BICD1: variants seen among roughly 807,000 people sequenced by gnomAD.
BICD1 encodes the protein protein bicaudal D homolog 1.
A neutral mutation model predicts 92.5 loss-of-function variants in BICD1; 35 were observed. That is an observed-to-expected ratio of 0.38 (90% confidence interval 0.29 to 0.50). BICD1 has a LOEUF of 0.50. BICD1 is among the 20% of genes least tolerant of loss of function. The probability of loss-of-function intolerance (pLI) is 0.93; values close to 1 mark genes in which losing one functional copy is unlikely to be tolerated. For missense variants in BICD1, 950 were observed against 1,189.8 expected, an observed-to-expected ratio of 0.80 and a Z score of 2.97; for synonymous variants, 429 against 465.1, an observed-to-expected ratio of 0.92 and a Z score of 1.00.
intron 1 of BICD1, among the ~76,000 whole-genome samples, chr12:32,192,488 C>CA (rs1270170436): frequency 1.4e-5 from 2 of 146,542 alleles, no homozygotes; most frequent in Non-Finnish European, 1.5e-5. Context: ...ACAAATAAAG[C>CA]AAAAAAACCT....
At chr12:32,110,356 G>T (rs1039035756) in intron 1 of BICD1, among the ~76,000 whole-genome samples, 17 of 152,190 alleles carry the variant, frequency 1.1e-4, no homozygotes, top group African/African-American at 3.1e-4. Flanking sequence ...GCTCTGCATG[G>T]ACTACTGTAA....
At chr12:32,183,223 CTG>C (rs1356375209) in intron 1 of BICD1, among the ~76,000 whole-genome samples, 1 of 148,122 alleles carries the variant, frequency 6.8e-6, no homozygotes, top group Non-Finnish European at 1.5e-5. Flanking sequence ...TTTTATTTCT[CTG>C]TGTTTCTACA....
At chr12:32,370,309 G>A (rs1444982720) in intron 9 of BICD1, among the ~76,000 whole-genome samples, 4 of 151,766 alleles carry the variant, frequency 2.6e-5, no homozygotes, top group African/African-American at 9.7e-5. Flanking sequence ...GGAGGTTGCA[G>A]TGAGCTGAGA....
chr12:32,381,485 C>T lies in BICD1; in HGVS notation c.*3858C>T, dbSNP rs781341726. ...TTGAAACAAGCATGAAACATTGGTCCAATAACCTAAGAATGTGGAGATTTC... is the reference window on the plus strand; with the variant it reads ...TTGAAACAAGCATGAAACATTGGTCTAATAACCTAAGAATGTGGAGATTTC... On this transcript the variant is annotated 3_prime_UTR_variant, in exon 10 of 10. Transcript: ENST00000652176. 1.3e-5 allele frequency: 2 copies of T among 151,998 alleles called. No homozygotes were observed. The highest frequency in any genetic ancestry group is 2.9e-5 in the Non-Finnish European group (2 of 67,964). 9.4% of individuals were successfully genotyped at this position (151,998 alleles called of 1,614,324 possible).
chr12:32,318,576 C>T (rs775844048), intron 4 of BICD1, among the ~76,000 whole-genome samples: 6 of 152,056 alleles, frequency 3.9e-5, no homozygotes, highest in African/African-American at 7.2e-5. Context: ...TTATTCCTGC[C>T]GGGTGCGGTG....
chr12:32,376,876 AGGG>A lies in BICD1; in HGVS notation c.2841-654_2841-652del, dbSNP rs36065954. On this transcript the variant is annotated intron_variant, in intron 9 of 9. Coordinates refer to ENST00000652176, the MANE Select transcript of BICD1 (RefSeq NM_001714.4). ...CAACGAGACTCCATCTAAAAAAAAA[AGGG>A]GGGGGGGGGTGAAATATAAAACTCT... 1.6e-3 allele frequency among the ~76,000 whole-genome samples: 102 copies of A among 64,362 alleles called. 2 individuals are homozygous for A. The highest frequency in any genetic ancestry group is 0.01 in the East Asian group (18 of 1,756). 42.2% of individuals were successfully genotyped at this position (64,362 alleles called of 152,430 possible). A position where few individuals can be genotyped will look rare whatever the true frequency, so the allele number is the denominator to read the frequency against.
At chr12:32,221,173 G>A (rs948831660) in intron 2 of BICD1, among the ~76,000 whole-genome samples, 2 of 151,292 alleles carry the variant, frequency 1.3e-5, no homozygotes, top group African/African-American at 2.4e-5. Context: ...CAGCACACCA[G>A]CATGGCACAT....
intron 4 of BICD1, among the ~76,000 whole-genome samples, chr12:32,326,458 A>G (rs889378731): frequency 9.2e-5 from 14 of 152,222 alleles, no homozygotes; most frequent in Admixed American, 3.9e-4. Context: ...TCACACGGTA[A>G]TACTTACATA....
rs533670680 is a variant in BICD1, at chr12:32,350,107, G to A, written c.2764+11128G>A. Among the ~76,000 whole-genome samples, 15 of 152,274 alleles carry A rather than the reference G, an allele frequency of 9.9e-5. 1 individual carries two copies. The South Asian group carries it at 2.1e-3, about 21-fold the overall frequency. On this transcript the variant is annotated intron_variant, in intron 8 of 9. Transcript: ENST00000652176. ...GTTGGGCAGGGGCAGCCTGAGCTCC[G>A]GCTGTGAGCATAGCTCAACTGATGT...
intron 1 of BICD1, among the ~76,000 whole-genome samples, chr12:32,132,001 T>C (rs1421831764): frequency 6.6e-6 from 1 of 152,134 alleles, no homozygotes; most frequent in African/African-American, 2.4e-5. Context: ...AGGCATGGCC[T>C]TTCAGAGGAG....
intron 2 of BICD1, among the ~76,000 whole-genome samples, chr12:32,266,587 T>C (rs140710545): frequency 9.2e-4 from 140 of 152,220 alleles, no homozygotes; most frequent in Non-Finnish European, 1.7e-3. Context: ...ACAGCTAAGA[T>C]AGAATTTAGA....
chr12:32,247,442 C>T (rs907288689), intron 2 of BICD1, among the ~76,000 whole-genome samples: 2 of 152,060 alleles, frequency 1.3e-5, no homozygotes, highest in Admixed American at 1.3e-4. Context: ...GCCTCAGACA[C>T]TCTGGTGTAC....
chr12:32,142,279 G>A (rs1266536782), intron 1 of BICD1, among the ~76,000 whole-genome samples: 1 of 151,650 alleles, frequency 6.6e-6, no homozygotes, highest in Non-Finnish European at 1.5e-5. Context: ...GGTGGCAGGC[G>A]CCTGTACTCT....
At chr12:32,295,205 T>C (rs1947835796) in intron 3 of BICD1, among the ~76,000 whole-genome samples, 1 of 152,198 alleles carries the variant, frequency 6.6e-6, no homozygotes, top group African/African-American at 2.4e-5. Flanking sequence ...GATAGCTTAA[T>C]TTTCCTGATT....
At chr12:32,318,349 G>C (rs2136239578) in intron 4 of BICD1, among the ~76,000 whole-genome samples, 1 of 152,258 alleles carries the variant, frequency 6.6e-6, no homozygotes, top group African/African-American at 2.4e-5. Context: ...CATGAGCATG[G>C]AATGTTCTTC....
At chr12:32,128,913 C>T (rs1400497028) in intron 1 of BICD1, among the ~76,000 whole-genome samples, 1 of 151,790 alleles carries the variant, frequency 6.6e-6, no homozygotes, top group Non-Finnish European at 1.5e-5. Flanking sequence ...GCCGGGACTA[C>T]AGGCATGCAC....
chr12:32,375,743 G>A (rs567957493), intron 9 of BICD1, among the ~76,000 whole-genome samples: 1 of 152,258 alleles, frequency 6.6e-6, no homozygotes, highest in Non-Finnish European at 1.5e-5. Flanking sequence ...AAGCCAGTCA[G>A]ATATTTTCCA....
At position 32,367,632 on chromosome 12, in the gene BICD1, C is replaced by T. The variant is rs199963643; in HGVS notation, c.2765-38C>T. The T allele has an allele frequency of 4.4e-5, 70 of 1,591,496 alleles. 1 individual carries two copies. Among genetic ancestry groups the T allele is most frequent in the Middle Eastern group, 3.3e-4 (2 of 6,014 alleles). On this transcript the variant is annotated intron_variant, in intron 8 of 9. Coordinates refer to ENST00000652176, the MANE Select transcript of BICD1 (RefSeq NM_001714.4). ...TGTTACTAACACCTTGCTCTGTCATCTCTTTGTACACATGTCTAATTTATC... is the reference window on the plus strand; with the variant it reads ...TGTTACTAACACCTTGCTCTGTCATTTCTTTGTACACATGTCTAATTTATC...
At chr12:32,132,728 A>G (rs1371522306) in intron 1 of BICD1, among the ~76,000 whole-genome samples, 2 of 152,226 alleles carry the variant, frequency 1.3e-5, no homozygotes, top group African/African-American at 2.4e-5. Flanking sequence ...GGAGTCAGCA[A>G]GCAGGTTCTC....
Sources: gnomAD v4.1 joint callset for allele counts (sites outside exome capture counted in the v4.1 genomes callset) on GRCh38, gnomAD v4.1.1 for gene constraint, MANE v1.5 for transcripts, NCBI Gene and HGNC (gene_info 2026-07-23, HGNC 2026-07-21) for gene names.